PSMA6: variants seen among roughly 807,000 people sequenced by gnomAD.
PSMA6 encodes proteasome 20S subunit alpha 6, also known as proteasome subunit alpha type-6.
For synonymous variants in PSMA6, 88 were observed against 97.7 expected, an observed-to-expected ratio of 0.90 and a Z score of 0.59; for missense variants, 170 against 294.8, an observed-to-expected ratio of 0.58 and a Z score of 3.10.
intron 1 of PSMA6, among the ~76,000 whole-genome samples, chr14:35,303,713 T>C (rs749806144): frequency 6.6e-6 from 1 of 152,220 alleles, no homozygotes; most frequent in Non-Finnish European, 1.5e-5. Flanking sequence ...TCCTCCATAT[T>C]CAACCCATAT....
rs567977357 is a variant in PSMA6 at position 35,299,179 on chromosome 14, A to G, written c.76+6627A>G. ...GTAGCTGGGAGTACAGGTATACACC[A>G]CCATGCTCAGATAACTTTTTATTTT... On this transcript the variant is annotated intron_variant, in intron 1 of 6. Transcript: ENST00000261479. 9.9e-5 allele frequency among the ~76,000 whole-genome samples: 15 copies of G among 151,792 alleles called. No homozygotes were observed. In the South Asian group the frequency reaches 2.9e-3, roughly 29 times the overall value.
At chr14:35,313,099 T>G (rs2051976126) in intron 5 of PSMA6, 40 bp downstream of exon 5, 1 of 1,483,872 alleles carries the variant, frequency 6.7e-7, no homozygotes, top group Non-Finnish European at 9.0e-7. Context: ...TTATGCTATA[T>G]AGAACAGTGA....
intron 1 of PSMA6, among the ~76,000 whole-genome samples, chr14:35,285,003 G>A (rs2051405215): frequency 6.6e-6 from 1 of 152,142 alleles, no homozygotes; most frequent in Admixed American, 6.6e-5. Context: ...AATACATTTA[G>A]AGTGAAGTTT....
chr14:35,289,716 T>C (rs1016912975), upstream of PSMA6, among the ~76,000 whole-genome samples: 2 of 152,038 alleles, frequency 1.3e-5, no homozygotes, highest in African/African-American at 4.8e-5. Flanking sequence ...GGCCAGGAGT[T>C]TGAGGCTGGC....
chr14:35,297,818 G>A (rs541367666), intron 1 of PSMA6, among the ~76,000 whole-genome samples: 166 of 152,262 alleles, frequency 1.1e-3, no homozygotes, highest in Non-Finnish European at 1.8e-3. Context: ...TGAACATTTT[G>A]CCACCGTGCC....
chr14:35,278,971 C>T (rs967757005), intron 1 of PSMA6, among the ~76,000 whole-genome samples: 5 of 152,056 alleles, frequency 3.3e-5, no homozygotes, highest in Non-Finnish European at 4.4e-5. Flanking sequence ...GGAACTCTTT[C>T]GTAACATGTT....
At chr14:35,305,923 T>C (rs1298751059) in intron 1 of PSMA6, among the ~76,000 whole-genome samples, 1 of 151,116 alleles carries the variant, frequency 6.6e-6, no homozygotes, top group African/African-American at 2.4e-5. Flanking sequence ...TATCTATTTT[T>C]AACTAAAAAT....
rs188559483 is a variant in PSMA6, at chr14:35,312,366, G to A, written c.410-515G>A. On this transcript the variant is annotated intron_variant, in intron 4 of 6. Transcript: ENST00000261479. The stretch of plus-strand genomic sequence containing the variant: ...ACTAAAAACACAAAAAATTAGCTGG[G>A]CGTGGTGGTGGGCACCTGTAGTCCC... Among the ~76,000 whole-genome samples the A allele has an allele frequency of 1.1e-3, 167 of 152,024 alleles. 1 individual carries two copies. The highest frequency in any genetic ancestry group is 3.7e-3 in the African/African-American group (154 of 41,466).
rs371080957 is a variant in PSMA6 at position 35,314,309 on chromosome 14, C to T, written c.589-52C>T. 670 of 1,479,404 alleles carry T rather than the reference C, an allele frequency of 4.5e-4. 3 individuals carry two copies. In the African/African-American group the frequency reaches 8.4e-3, roughly 19 times the overall value. 91.6% of individuals were successfully genotyped at this position (1,479,404 alleles called of 1,614,324 possible). On this transcript the variant is annotated intron_variant, in intron 5 of 6. Coordinates refer to ENST00000261479, the MANE Select transcript of PSMA6 (RefSeq NM_002791.3). ...TTTGAATAAGCTAGGAATGAGAAAA[C>T]CTTGGAATCTCTAAAAAATACTATA...
At chr14:35,294,484 CA>C (rs1192124851) in intron 1 of PSMA6, among the ~76,000 whole-genome samples, 3 of 152,210 alleles carry the variant, frequency 2.0e-5, no homozygotes, top group Non-Finnish European at 4.4e-5. Context: ...TACATGGATT[CA>C]AATCTCTGCC....
chr14:35,287,153 A>T (rs1019410901), intron 1 of PSMA6, among the ~76,000 whole-genome samples: 6 of 152,188 alleles, frequency 3.9e-5, no homozygotes, highest in Non-Finnish European at 8.8e-5. Flanking sequence ...TCTGAGAAAG[A>T]CAAAAAAGGG....
intron 2 of PSMA6, 75 bp downstream of exon 2, chr14:35,308,163 T>C: frequency 1.3e-6 from 2 of 1,560,268 alleles, no homozygotes; most frequent in Non-Finnish European, 1.7e-6. Context: ...GGCTCACACC[T>C]GTAATCCCAG....
chr14:35,308,844 A>T (rs528681991), intron 2 of PSMA6, 70 bp from the exon 3 acceptor site: 4 of 1,178,322 alleles, frequency 3.4e-6, no homozygotes, highest in African/African-American at 3.1e-5. Flanking sequence ...TAAAAACATA[A>T]TTTTTTTTAT....
At chr14:35,283,640 C>T (rs770189595) in intron 1 of PSMA6, among the ~76,000 whole-genome samples, 1 of 151,196 alleles carries the variant, frequency 6.6e-6, no homozygotes, top group Non-Finnish European at 1.5e-5. Context: ...ACTGCAGCCT[C>T]GACCTCCTGG....
At chr14:35,308,134 T>G in intron 2 of PSMA6, 46 bp downstream of exon 2, 1 of 1,602,936 alleles carries the variant, frequency 6.2e-7, no homozygotes, top group Non-Finnish European at 8.5e-7. Context: ...AATATAAGAA[T>G]TTTTCAGCCA....
Position 35,314,347 on chromosome 14 carries a change from A to G in PSMA6, c.589-14A>G, listed in dbSNP as rs1566564096. ...AAAAAATACTATATTTTAACATTAA[A>G]TACTTTTTTTCAGACTGCAATTACA... is the stretch of plus-strand genomic sequence containing the variant. On this transcript the variant is annotated splice_polypyrimidine_tract_variant and intron_variant, in intron 5 of 6. Coordinates refer to ENST00000261479, the MANE Select transcript of PSMA6 (RefSeq NM_002791.3). 2 of 1,593,656 alleles carry G rather than the reference A, an allele frequency of 1.3e-6. No homozygotes were observed. The highest frequency in any genetic ancestry group is 2.3e-5 in the South Asian group (2 of 87,788).
chr14:35,316,030 T>A (rs1248367724), intron 6 of PSMA6: 1 of 152,202 alleles, frequency 6.6e-6, no homozygotes, highest in East Asian at 1.9e-4. Flanking sequence ...CTAGTAGTAA[T>A]AGGTCACATT....
At chr14:35,308,861 A>C in intron 2 of PSMA6, 53 bp from the exon 3 acceptor site, 1 of 1,343,320 alleles carries the variant, frequency 7.4e-7, no homozygotes, top group Non-Finnish European at 1.1e-6. Flanking sequence ...TTATAACTAC[A>C]CAGAAACCTG....
intron 1 of PSMA6, among the ~76,000 whole-genome samples, chr14:35,299,678 A>G (rs758416535): frequency 2.0e-5 from 3 of 152,122 alleles, no homozygotes; most frequent in Non-Finnish European, 4.4e-5. Flanking sequence ...GCTCTAAACC[A>G]TGATACTACT....
Sources: allele counts gnomAD v4.1 joint callset (sites outside exome capture counted in the v4.1 genomes callset), GRCh38; gene constraint gnomAD v4.1.1; transcripts MANE v1.5; gene names NCBI Gene and HGNC (gene_info 2026-07-23, HGNC 2026-07-21).